VEGFC: variants seen among roughly 807,000 people sequenced by gnomAD.
The protein encoded by VEGFC is FLT4 ligand DHM.
VEGFC carries 12 observed loss-of-function variants against 46.1 expected under a neutral mutation model. The ratio of observed to expected loss-of-function variants is 0.26; its 90% confidence interval spans 0.17 to 0.42. The LOEUF (loss-of-function observed/expected upper bound fraction) is 0.42, where lower values mean the gene tolerates loss of function less well. VEGFC is among the 10% of genes least tolerant of loss of function. The pLI is 1.00. For synonymous variants in VEGFC, 232 were observed against 195.5 expected, an observed-to-expected ratio of 1.19 and a Z score of -1.56; for missense variants, 488 against 529.4, an observed-to-expected ratio of 0.92 and a Z score of 0.77.
intron 1 of VEGFC, among the ~76,000 whole-genome samples, chr4:176,777,983 T>G (rs1030353846): frequency 6.7e-6 from 1 of 149,012 alleles, no homozygotes; most frequent in Non-Finnish European, 1.5e-5. Context: ...ATCTATTTTA[T>G]AGTCAAAATG....
rs940853642 is a variant in VEGFC at position 176,778,959 on chromosome 4, C to T, written c.147+13206G>A. On this transcript the variant is annotated intron_variant, in intron 1 of 6. Transcript: ENST00000618562. ...GTTGCCAAAGACTGGCCACCTTCTG[C>T]CCCCACCACCAATCAATCAATCATC... 2.0e-5 allele frequency among the ~76,000 whole-genome samples: 3 copies of T among 152,234 alleles called. No individual in the cohort carries two copies. The East Asian group carries it at 5.8e-4, about 29-fold the overall frequency.
At chr4:176,726,580 T>A (rs1428619753) in intron 3 of VEGFC, among the ~76,000 whole-genome samples, 1 of 152,194 alleles carries the variant, frequency 6.6e-6, no homozygotes, top group African/African-American at 2.4e-5. Flanking sequence ...AGAAAGCAAT[T>A]AATTTGGGTT....
chr4:176,715,248 G>C (rs987813891), intron 3 of VEGFC, among the ~76,000 whole-genome samples: 1 of 152,182 alleles, frequency 6.6e-6, no homozygotes, highest in African/African-American at 2.4e-5. Context: ...AAAAGGAACA[G>C]AGATTGAAAA....
At chr4:176,709,193 A>T (rs150002204) in intron 4 of VEGFC, among the ~76,000 whole-genome samples, 2 of 152,342 alleles carry the variant, frequency 1.3e-5, no homozygotes, top group African/African-American at 4.8e-5. Flanking sequence ...TACATTATTT[A>T]GCCAACAGCT....
chr4:176,762,040 C>A (rs1040677611), intron 1 of VEGFC, among the ~76,000 whole-genome samples: 24 of 152,138 alleles, frequency 1.6e-4, no homozygotes, highest in Non-Finnish European at 3.2e-4. Flanking sequence ...CTGTTTCACC[C>A]CATACCTATG....
chr4:176,692,908 C>T lies in VEGFC; in HGVS notation c.705-4981G>A, dbSNP rs1466686543. Among the ~76,000 whole-genome samples the T allele has an allele frequency of 9.8e-4, 145 of 147,642 alleles. 1 individual carries two copies. Among genetic ancestry groups the T allele is most frequent in the African/African-American group, 3.6e-3 (137 of 38,376 alleles). On this transcript the variant is annotated intron_variant, in intron 4 of 6. Transcript: ENST00000618562. ...GCAGGGTATTCCAACAGACCTGCAG[C>T]TGAGGGTCCTGTCTGTTAGAAGGAA...
intron 1 of VEGFC, among the ~76,000 whole-genome samples, chr4:176,773,486 A>G (rs4267688): frequency 0.79 from 120,849 of 152,166 alleles, 50,827 homozygotes; most frequent in East Asian, 1. Context: ...TTATTTTACA[A>G]TTTGATCATA....
chr4:176,722,443 C>T (rs1001435310), intron 3 of VEGFC, among the ~76,000 whole-genome samples: 1 of 151,284 alleles, frequency 6.6e-6, no homozygotes, highest in Non-Finnish European at 1.5e-5. Context: ...ACACTTAGCA[C>T]TAAATGCTCA....
intron 1 of VEGFC, among the ~76,000 whole-genome samples, chr4:176,731,979 TTAAAAAA>T (rs1471843798): frequency 4.6e-5 from 7 of 151,748 alleles, no homozygotes; most frequent in African/African-American, 1.7e-4. Context: ...AAATGCAATA[TTAAAAAA>T]TGAAAAAAGT....
Position 176,792,078 on chromosome 4 carries a change from C to A in VEGFC, c.147+87G>T. 2.1e-6 allele frequency: 3 copies of A among 1,396,450 alleles called. No individual in the cohort carries two copies. The highest frequency in any genetic ancestry group is 2.8e-6 in the Non-Finnish European group (3 of 1,070,440). The allele number at this position is 1,396,450 out of a possible 1,614,324, so 86.5% of individuals were successfully genotyped here. A position where few individuals can be genotyped will look rare whatever the true frequency, so the allele number is the denominator to read the frequency against. On this transcript the variant is annotated intron_variant, in intron 1 of 6. Coordinates refer to ENST00000618562, the MANE Select transcript of VEGFC (RefSeq NM_005429.5). The surrounding 1 kb of genome is among the most constrained non-coding windows in gnomAD (Gnocchi z 6.3). The stretch of plus-strand genomic sequence containing the variant: ...CCCACGTACACAAGCTTAAAGCACA[C>A]ACACTTTCCCCCGCGCAGGTTCTCG...
chr4:176,702,179 A>T (rs1734445370), intron 4 of VEGFC, among the ~76,000 whole-genome samples: 1 of 152,192 alleles, frequency 6.6e-6, no homozygotes, highest in South Asian at 2.1e-4. Context: ...TTCTCATAAG[A>T]ATAAAATCTT....
intron 1 of VEGFC, among the ~76,000 whole-genome samples, chr4:176,765,212 T>C (rs898586863): frequency 6.6e-6 from 1 of 151,734 alleles, no homozygotes. Flanking sequence ...TTAATAATAT[T>C]AGAGCTAAAG....
At chr4:176,714,859 G>C (rs926610972) in intron 3 of VEGFC, among the ~76,000 whole-genome samples, 4 of 152,232 alleles carry the variant, frequency 2.6e-5, no homozygotes, top group African/African-American at 9.7e-5. Flanking sequence ...GTTCTGGTGA[G>C]ATGAAGAATA....
intron 1 of VEGFC, among the ~76,000 whole-genome samples, chr4:176,745,837 T>A (rs779761783): frequency 2.6e-5 from 4 of 152,072 alleles, no homozygotes; most frequent in Non-Finnish European, 4.4e-5. Flanking sequence ...GAAAGAGATA[T>A]CTTTTTGCAA....
At chr4:176,738,807 A>G (rs1226952526) in intron 1 of VEGFC, among the ~76,000 whole-genome samples, 1 of 152,088 alleles carries the variant, frequency 6.6e-6, no homozygotes, top group Non-Finnish European at 1.5e-5. Context: ...TATCCATCTG[A>G]CAAAAGTCTA....
At chr4:176,722,072 A>G (rs1734795841) in intron 3 of VEGFC, among the ~76,000 whole-genome samples, 3 of 152,184 alleles carry the variant, frequency 2.0e-5, no homozygotes, top group Admixed American at 1.3e-4. Context: ...TGACTGCATT[A>G]CAGATCAGAA....
At chr4:176,727,662 A>G in intron 3 of VEGFC, 116 bp downstream of exon 3, 1 of 1,026,448 alleles carries the variant, frequency 9.7e-7, no homozygotes, top group Non-Finnish European at 1.3e-6. Flanking sequence ...AAAATATGAG[A>G]CCCTGAGTTG....
At chr4:176,704,270 A>C (rs999827225) in intron 4 of VEGFC, among the ~76,000 whole-genome samples, 4 of 152,078 alleles carry the variant, frequency 2.6e-5, no homozygotes, top group African/African-American at 9.7e-5. Flanking sequence ...CCACAGTTTC[A>C]TCTGTGGCTC....
intron 4 of VEGFC, 149 bp downstream of exon 4, chr4:176,711,350 T>A (rs1019209542): frequency 1.2e-6 from 1 of 867,756 alleles, no homozygotes; most frequent in South Asian, 3.1e-5. Context: ...TTTCATTGTA[T>A]ACTATACAAA....
Sources: allele counts gnomAD v4.1 joint callset (sites outside exome capture counted in the v4.1 genomes callset), GRCh38; gene constraint gnomAD v4.1.1; non-coding constraint Gnocchi (gnomAD v3.1); transcripts MANE v1.5; gene names NCBI Gene and HGNC (gene_info 2026-07-23, HGNC 2026-07-21).